FGD5: variants seen among roughly 807,000 people sequenced by gnomAD.
FGD5 encodes the protein FYVE, RhoGEF and PH domain-containing protein 5.
In FGD5, 28 loss-of-function variants were observed where a neutral mutation model predicts 133.4. The observed-to-expected ratio is 0.21, with a 90% CI of 0.16 to 0.29. The LOEUF (loss-of-function observed/expected upper bound fraction) is 0.29. FGD5 is among the 10% of genes least tolerant of loss of function. The probability of loss-of-function intolerance (pLI) is 1.00; values close to 1 mark genes in which losing one functional copy is unlikely to be tolerated. For synonymous variants in FGD5, 810 were observed against 776.5 expected (o/e 1.04, Z -0.72); for missense variants, 1,858 against 1,895.2 (o/e 0.98, Z 0.36).
Position 14,819,780 on chromosome 3 carries a change from A to T in FGD5, c.709A>T (p.Arg237Trp). The T allele has an allele frequency of 6.4e-7, 1 of 1,556,658 alleles. No homozygotes were observed. The highest frequency in any genetic ancestry group is 8.7e-7 in the Non-Finnish European group (1 of 1,150,602). The change falls in exon 1 of 20, where the codon AGG becomes TGG. Residue 237 changes from arginine (R) to tryptophan (W), a missense_variant. By Grantham distance (101) the Arg-to-Trp change is moderately radical (BLOSUM62 -3). This residue lies in a region of FGD5 where 1,824 missense variants were observed against 1,848.9 expected (regional missense o/e 0.99). Coordinates refer to ENST00000285046, the MANE Select transcript of FGD5 (RefSeq NM_152536.4). This position sits in a 1 kb window ranked among gnomAD's most constrained non-coding sequence, Gnocchi z 4.1. ...AGADEGSGPD[R>W]PTEDMGQDAE... ...GGCAGATGAGGGTTCGGGTCCTGAC[A>T]GGCCCACGGAGGACATGGGACAGGA...
chr3:14,812,955 T>C (rs958416016), intron 1 of FGD5, among the ~76,000 whole-genome samples: 1 of 152,194 alleles, frequency 6.6e-6, no homozygotes, highest in Admixed American at 6.5e-5. Flanking sequence ...ATCTTATGAG[T>C]TGAGTACCAT....
intron 9 of FGD5, among the ~76,000 whole-genome samples, chr3:14,907,242 G>T (rs1376125346): frequency 6.6e-6 from 1 of 152,240 alleles, no homozygotes; most frequent in Non-Finnish European, 1.5e-5. Flanking sequence ...GCTCCACAGA[G>T]TGTGGATCCA....
chr3:14,932,452 A>G (rs887299308), intron 18 of FGD5, 125 bp from the exon 19 acceptor site: 2 of 1,062,464 alleles, frequency 1.9e-6, no homozygotes, highest in African/African-American at 1.6e-5. Context: ...GTGTGTGGTG[A>G]GCCCGAAGGT....
At chr3:14,906,144 C>T (rs1022138946) in intron 9 of FGD5, among the ~76,000 whole-genome samples, 1 of 152,176 alleles carries the variant, frequency 6.6e-6, no homozygotes. Context: ...GCCCTCCCTG[C>T]ACCACAGGAA....
intron 11 of FGD5, among the ~76,000 whole-genome samples, chr3:14,913,251 C>T (rs1309961391): frequency 6.6e-6 from 1 of 152,164 alleles, no homozygotes; most frequent in Non-Finnish European, 1.5e-5. Context: ...TAATTACATG[C>T]CTGGCAGGTA....
intron 1 of FGD5, among the ~76,000 whole-genome samples, chr3:14,846,483 C>T (rs1459802036): frequency 6.6e-6 from 1 of 152,190 alleles, no homozygotes; most frequent in Non-Finnish European, 1.5e-5. Flanking sequence ...TATTTCAAAG[C>T]AATTACTGAC....
At position 14,924,030 on chromosome 3, in the gene FGD5, C is replaced by T. The variant is rs1447516442; in HGVS notation, c.3960C>T (p.Phe1320=). 4 of 1,613,892 alleles carry T rather than the reference C, an allele frequency of 2.5e-6. No individual in the cohort carries two copies. Among genetic ancestry groups the T allele is most frequent in the Non-Finnish European group, 3.4e-6 (4 of 1,179,892 alleles). The change falls in exon 17 of 20, where the codon TTC becomes TTT. Residue 1320 remains phenylalanine, a synonymous_variant. Coordinates refer to ENST00000285046, the MANE Select transcript of FGD5 (RefSeq NM_152536.4). ...CAGAGCGGCCTGTGAGCATGAGCTT[C>T]CCGCTGTCTTCACCCCGCTTCTCGG... is the stretch of plus-strand genomic sequence containing the variant. ...LMRERPVSMS[F]PLSSPRFSGS... is the part of the protein sequence containing the mutation.
chr3:14,819,264 T>G lies in FGD5; in HGVS notation c.193T>G (p.Tyr65Asp). 2 of 1,535,152 alleles carry G rather than the reference T, an allele frequency of 1.3e-6. No homozygotes were observed. Among genetic ancestry groups the G allele is most frequent in the Non-Finnish European group, 1.8e-6 (2 of 1,138,882 alleles). Residue 65 changes from tyrosine (Y) to aspartate (D), a missense_variant, in exon 1 of 20, where the codon TAC becomes GAC. By Grantham distance (160) the Tyr-to-Asp change is radical. Transcript: ENST00000285046. The surrounding 1 kb of genome is among the most constrained non-coding windows in gnomAD (Gnocchi z 4.1). ...CTCTGAGTCGGAGACCGACGAGGAT[T>G]ACATCGTGGTCCCCAGGGTTCCGCT... ...KCSESETDED[Y>D]IVVPRVPLRE...
At position 14,918,554 on chromosome 3, in the gene FGD5, C is replaced by T. The variant is rs894225564; in HGVS notation, c.3490-200C>T. On this transcript the variant is annotated intron_variant, in intron 12 of 19. Coordinates refer to ENST00000285046, the MANE Select transcript of FGD5 (RefSeq NM_152536.4). The stretch of plus-strand genomic sequence containing the variant: ...GCATGACGCTCTGCAGCCTTCCCAG[C>T]GGTGGGTGAGTGGCCAAGAATGATG... Among the ~76,000 whole-genome samples the T allele has an allele frequency of 3.3e-5, 5 of 152,192 alleles. No homozygotes were observed. The East Asian group carries it at 5.8e-4, about 18-fold the overall frequency.
chr3:14,869,736 T>G (rs2037568479), intron 2 of FGD5, among the ~76,000 whole-genome samples: 1 of 152,232 alleles, frequency 6.6e-6, no homozygotes, highest in Non-Finnish European at 1.5e-5. Context: ...CATAATGTCC[T>G]CAAGGTTCAT....
At position 14,864,293 on chromosome 3, in the gene FGD5, G is replaced by A. The variant is rs187453051; in HGVS notation, c.2658+33G>A. On this transcript the variant is annotated intron_variant, in intron 2 of 19. Coordinates refer to ENST00000285046, the MANE Select transcript of FGD5 (RefSeq NM_152536.4). Reference sequence around the variant, plus strand: ...ACCCCACAGGTAGGCCGTGGGCATCGGAGACGTGAGGGTGGAGAGATGGCT... The same window carrying A: ...ACCCCACAGGTAGGCCGTGGGCATCAGAGACGTGAGGGTGGAGAGATGGCT... 5.0e-5 allele frequency: 81 copies of A among 1,613,282 alleles called. No homozygotes were observed. The Admixed American group carries it at 1.2e-3, about 24-fold the overall frequency.
chr3:14,881,679 A>T (rs2037827460), intron 4 of FGD5, among the ~76,000 whole-genome samples: 1 of 152,212 alleles, frequency 6.6e-6, no homozygotes, highest in South Asian at 2.1e-4. Flanking sequence ...TGGTGCTTTG[A>T]ATCATTCACC....
At chr3:14,884,532 G>A (rs763301453) in intron 4 of FGD5, among the ~76,000 whole-genome samples, 4 of 152,148 alleles carry the variant, frequency 2.6e-5, no homozygotes, top group South Asian at 2.1e-4. Context: ...GTCCTACCCC[G>A]ATCTTCCCAT....
chr3:14,822,086 G>A (rs113162919), intron 1 of FGD5, among the ~76,000 whole-genome samples: 13 of 151,410 alleles, frequency 8.6e-5, no homozygotes, highest in Non-Finnish European at 4.4e-5. Context: ...GCAATAGAGC[G>A]AGACTCTGTC....
In FGD5 at chr3:14,819,449, G is replaced by A. The variant is rs748746257; in HGVS notation, c.378G>A (p.Pro126=). ...AGGATTCAGTGGCCCCTGCTGCTCC[G>A]GGTGCAGGAGCGCTGAGCAGGGAGG... The part of the protein sequence containing the change: ...AGEDSVAPAA[P]GAGALSREGE... Residue 126 remains proline, a synonymous_variant, in exon 1 of 20, where the codon CCG becomes CCA. Transcript: ENST00000285046. The surrounding 1 kb of genome is among the most constrained non-coding windows in gnomAD (Gnocchi z 4.1). The A allele has an allele frequency of 9.7e-6, 15 of 1,550,374 alleles. No homozygotes were observed. Among genetic ancestry groups the A allele is most frequent in the African/African-American group, 4.1e-5 (3 of 73,022 alleles).
At chr3:14,864,408 C>T in intron 2 of FGD5, 148 bp downstream of exon 2, 2 of 1,284,524 alleles carry the variant, frequency 1.6e-6, no homozygotes. Flanking sequence ...CACGCAGCAT[C>T]AGGGCGCTAG....
At chr3:14,861,865 G>GTT (rs1262566287) in intron 1 of FGD5, among the ~76,000 whole-genome samples, 1 of 152,188 alleles carries the variant, frequency 6.6e-6, no homozygotes, top group Non-Finnish European at 1.5e-5. Flanking sequence ...CCCTGAAGAA[G>GTT]TTAAGCCAGG....
At chr3:14,836,753 C>A (rs949457453) in intron 1 of FGD5, among the ~76,000 whole-genome samples, 2 of 152,132 alleles carry the variant, frequency 1.3e-5, no homozygotes, top group African/African-American at 4.8e-5. Context: ...GAGAGGCAGA[C>A]CCCGATTGCT....
At chr3:14,902,874 A>G (rs1056842006) in intron 9 of FGD5, among the ~76,000 whole-genome samples, 5 of 152,182 alleles carry the variant, frequency 3.3e-5, no homozygotes, top group Non-Finnish European at 7.3e-5. Context: ...GAGCTTGCAC[A>G]CACAGCCCCA....
Sources: allele counts gnomAD v4.1 joint callset (sites outside exome capture counted in the v4.1 genomes callset), GRCh38; gene constraint gnomAD v4.1.1; regional missense constraint gnomAD v4.1.1; non-coding constraint Gnocchi (gnomAD v3.1); transcripts MANE v1.5; gene names NCBI Gene and HGNC (gene_info 2026-07-23, HGNC 2026-07-21).